Variants in ABLIM1 observed in about 807,000 individuals in gnomAD.
ABLIM1 encodes actin binding LIM protein 1.
In ABLIM1, 40 loss-of-function variants were observed where a neutral mutation model predicts 107.0. The observed-to-expected ratio is 0.37, with a 90% confidence interval of 0.29 to 0.49. ABLIM1 has a LOEUF of 0.49. Among genes scored for constraint, ABLIM1 ranks in the 20% least tolerant of loss-of-function variants. The pLI is 0.97. For synonymous variants in ABLIM1, 357 were observed against 357.3 expected, an observed-to-expected ratio of 1.00 and a Z score of 0.01; for missense variants, 857 against 1,008.5, an observed-to-expected ratio of 0.85 and a Z score of 2.04.
intron 4 of ABLIM1, among the ~76,000 whole-genome samples, chr10:114,550,594 A>C (rs560052930): frequency 2.0e-5 from 3 of 152,256 alleles, no homozygotes; most frequent in Admixed American, 2.0e-4. Flanking sequence ...ATTAGGGTTC[A>C]GTCTTGATGT....
chr10:114,610,455 T>C (rs2076731615), intron 1 of ABLIM1, among the ~76,000 whole-genome samples: 1 of 152,212 alleles, frequency 6.6e-6, no homozygotes, highest in South Asian at 2.1e-4. Flanking sequence ...TAGAATATTT[T>C]CTCTGCTTCT....
chr10:114,489,519 C>G lies in ABLIM1; in HGVS notation c.983-1503G>C, dbSNP rs1054820812. Among the ~76,000 whole-genome samples the G allele has an allele frequency of 4.6e-5, 7 of 152,166 alleles. No individual in the cohort carries two copies. In the South Asian group the frequency reaches 1.0e-3, roughly 23 times the overall value. On this transcript the variant is annotated intron_variant, in intron 7 of 22. Coordinates refer to ENST00000533213, the MANE Select transcript of ABLIM1 (RefSeq NM_002313.7). Reference sequence around the variant, plus strand: ...CTTCTTAACCCAGGGCCAAAATAAACAAACAAAAAATTCAAACAAAAAGCA... The same window carrying G: ...CTTCTTAACCCAGGGCCAAAATAAAGAAACAAAAAATTCAAACAAAAAGCA...
At chr10:114,617,479 G>T (rs1298141504) in intron 1 of ABLIM1, among the ~76,000 whole-genome samples, 5 of 151,780 alleles carry the variant, frequency 3.3e-5, no homozygotes, top group Non-Finnish European at 5.9e-5. Context: ...CATTGGCCAG[G>T]CTGGTCTCAA....
intron 1 of ABLIM1, among the ~76,000 whole-genome samples, chr10:114,727,757 C>G (rs2081990595): frequency 6.6e-6 from 1 of 152,162 alleles, no homozygotes; most frequent in South Asian, 2.1e-4. Flanking sequence ...GGGTTTGAGA[C>G]CAGCCTGGGC....
At chr10:114,491,336 A>T (rs1488840166) in intron 7 of ABLIM1, among the ~76,000 whole-genome samples, 1 of 152,158 alleles carries the variant, frequency 6.6e-6, no homozygotes, top group Non-Finnish European at 1.5e-5. Context: ...GAAAACCCAG[A>T]GAACAGCAGC....
At chr10:114,739,715 C>A (rs980431607) in intron 1 of ABLIM1, among the ~76,000 whole-genome samples, 1 of 152,160 alleles carries the variant, frequency 6.6e-6, no homozygotes, top group South Asian at 2.1e-4. Flanking sequence ...ACATTAAACA[C>A]ATCTTTCTGC....
chr10:114,586,317 T>C (rs1001005234), intron 2 of ABLIM1, among the ~76,000 whole-genome samples: 9 of 152,200 alleles, frequency 5.9e-5, no homozygotes, highest in South Asian at 4.1e-4. Flanking sequence ...TGTTTAGCTA[T>C]ACTAAGAAGG....
intron 6 of ABLIM1, among the ~76,000 whole-genome samples, chr10:114,531,173 C>G (rs1309377389): frequency 6.6e-6 from 1 of 152,150 alleles, no homozygotes; most frequent in Non-Finnish European, 1.5e-5. Flanking sequence ...GATGGGTGAG[C>G]CTGACTCCTT....
At chr10:114,465,900 A>G in intron 11 of ABLIM1, 73 bp from the exon 12 acceptor site, 1 of 1,512,604 alleles carries the variant, frequency 6.6e-7, no homozygotes, top group Non-Finnish European at 9.1e-7. Context: ...AACACTGCCA[A>G]GGAACCATCA....
At chr10:114,598,985 C>A (rs2075728110) in intron 2 of ABLIM1, among the ~76,000 whole-genome samples, 1 of 152,126 alleles carries the variant, frequency 6.6e-6, no homozygotes, top group Non-Finnish European at 1.5e-5. Context: ...GCAGTGATGA[C>A]AGTGCTGCTC....
At chr10:114,787,050 G>A in the ABLIM1 span, among the ~76,000 whole-genome samples, 3 of 151,472 alleles carry the variant, frequency 2.0e-5, no homozygotes, top group Non-Finnish European at 4.4e-5. Context: ...AGGAAGTGAG[G>A]AGCGCCTCTT....
chr10:114,616,248 C>T (rs2077126018), intron 1 of ABLIM1, among the ~76,000 whole-genome samples: 1 of 152,162 alleles, frequency 6.6e-6, no homozygotes, highest in East Asian at 1.9e-4. Flanking sequence ...CCCACTCCTC[C>T]CAACCATACC....
chr10:114,472,870 G>T, intron 10 of ABLIM1, 107 bp downstream of exon 10: 1 of 1,215,662 alleles, frequency 8.2e-7, no homozygotes. Context: ...ATACTAGGCA[G>T]ACAAAAGACC....
chr10:114,736,824 T>C (rs2082189789), intron 1 of ABLIM1, among the ~76,000 whole-genome samples: 1 of 152,170 alleles, frequency 6.6e-6, no homozygotes, highest in Non-Finnish European at 1.5e-5. Context: ...GATTCATCTG[T>C]GGGGCGGTGG....
At chr10:114,456,972 T>C (rs2062950018) in intron 12 of ABLIM1, among the ~76,000 whole-genome samples, 1 of 151,972 alleles carries the variant, frequency 6.6e-6, no homozygotes, top group African/African-American at 2.4e-5. Context: ...TCAAATTTTG[T>C]AAGCAGATGT....
At chr10:114,555,328 G>A (rs993822166) in intron 4 of ABLIM1, among the ~76,000 whole-genome samples, 30 of 152,178 alleles carry the variant, frequency 2.0e-4, no homozygotes, top group Non-Finnish European at 4.4e-5. Context: ...ACCATCTGAT[G>A]CAAATGCTTC....
At chr10:114,550,313 G>A (rs892335178) in intron 4 of ABLIM1, among the ~76,000 whole-genome samples, 2 of 152,074 alleles carry the variant, frequency 1.3e-5, no homozygotes, top group Non-Finnish European at 2.9e-5. Flanking sequence ...GGAAGGCCAC[G>A]ATATTAGTTT....
intron 6 of ABLIM1, among the ~76,000 whole-genome samples, chr10:114,538,793 G>C (rs990894977): frequency 6.6e-6 from 1 of 152,212 alleles, no homozygotes; most frequent in Non-Finnish European, 1.5e-5. Context: ...TGTGGGACGA[G>C]GGCCGAGCGC....
intron 2 of ABLIM1, among the ~76,000 whole-genome samples, chr10:114,582,136 G>T (rs959063305): frequency 3.3e-5 from 5 of 152,076 alleles, no homozygotes; most frequent in South Asian, 2.1e-4. Flanking sequence ...CCACCAAAAG[G>T]CTCCTAGAAC....
Sources: gnomAD v4.1 joint callset for allele counts (sites outside exome capture counted in the v4.1 genomes callset) on GRCh38, gnomAD v4.1.1 for gene constraint, MANE v1.5 for transcripts, NCBI Gene and HGNC (gene_info 2026-07-23, HGNC 2026-07-21) for gene names.